GRM8: variants seen among roughly 807,000 people sequenced by gnomAD.
GRM8 encodes metabotropic glutamate receptor 8.
A neutral mutation model predicts 87.2 loss-of-function variants in GRM8; 47 were observed. The observed-to-expected ratio is 0.54, with a 90% CI of 0.43 to 0.69. GRM8 has a LOEUF of 0.69. GRM8 is among the 30% of genes least tolerant of loss of function. The pLI is 0.00. For missense variants in GRM8, 1,019 were observed against 1,139.2 expected (o/e 0.89, Z 1.52); for synonymous variants, 396 against 404.5 (o/e 0.98, Z 0.25).
At chr7:126,705,451 T>C (rs1810392619) in intron 7 of GRM8, among the ~76,000 whole-genome samples, 2 of 152,156 alleles carry the variant, frequency 1.3e-5, no homozygotes, top group Non-Finnish European at 2.9e-5. Flanking sequence ...ACAAACATTT[T>C]ATCTCCACTT....
intron 9 of GRM8, among the ~76,000 whole-genome samples, chr7:126,449,936 C>G (rs1261411465): frequency 6.6e-6 from 1 of 151,850 alleles, no homozygotes; most frequent in South Asian, 2.1e-4. Flanking sequence ...GTTACTTACT[C>G]TGCCTCCATG....
intron 3 of GRM8, chr7:126,981,131 A>C (rs948908667): frequency 1.3e-5 from 2 of 153,140 alleles, no homozygotes; most frequent in Non-Finnish European, 2.9e-5. Context: ...ACTTAACCCT[A>C]GTCACAGCTT....
chr7:126,655,944 C>T (rs1406346811), intron 7 of GRM8, among the ~76,000 whole-genome samples: 1 of 152,140 alleles, frequency 6.6e-6, no homozygotes, highest in Non-Finnish European at 1.5e-5. Context: ...TGCACTTTCT[C>T]CTATTGAGAG....
At chr7:126,784,567 A>T (rs1220501926) in intron 6 of GRM8, among the ~76,000 whole-genome samples, 1 of 152,172 alleles carries the variant, frequency 6.6e-6, no homozygotes, top group Non-Finnish European at 1.5e-5. Context: ...GAACATTTAA[A>T]CATAATGGCA....
chr7:126,496,138 G>T (rs929096076), intron 9 of GRM8, among the ~76,000 whole-genome samples: 1 of 151,788 alleles, frequency 6.6e-6, no homozygotes, highest in Non-Finnish European at 1.5e-5. Context: ...GTTTCAGAGA[G>T]ATTTTATTTT....
chr7:126,802,140 A>G (rs530367232), intron 6 of GRM8, among the ~76,000 whole-genome samples: 1 of 152,284 alleles, frequency 6.6e-6, no homozygotes, highest in East Asian at 1.9e-4. Context: ...AAATGAAGCT[A>G]TTTCACACAT....
chr7:126,704,818 T>A (rs1810322974), intron 7 of GRM8, among the ~76,000 whole-genome samples: 2 of 152,164 alleles, frequency 1.3e-5, no homozygotes, highest in South Asian at 4.1e-4. Flanking sequence ...ATGTTATCAA[T>A]GACAATGGTG....
intron 2 of GRM8, chr7:127,215,008 A>G (rs1796437547): frequency 6.6e-6 from 1 of 152,186 alleles, no homozygotes. Context: ...GTTCTTGGGA[A>G]GTCTAATTCT....
chr7:127,126,547 A>G (rs1283050770), intron 2 of GRM8, among the ~76,000 whole-genome samples: 1 of 151,970 alleles, frequency 6.6e-6, no homozygotes, highest in Non-Finnish European at 1.5e-5. Flanking sequence ...GGTGATGGAT[A>G]CACTAAAAGC....
At chr7:126,915,286 C>T (rs1467001038) in intron 3 of GRM8, among the ~76,000 whole-genome samples, 2 of 152,166 alleles carry the variant, frequency 1.3e-5, no homozygotes, top group Non-Finnish European at 2.9e-5. Context: ...AGATGGCACC[C>T]AAATGGGCTT....
In GRM8 at chr7:127,114,393, G is replaced by C. The variant is rs542936766; in HGVS notation, c.511-7681C>G. On this transcript the variant is annotated intron_variant, in intron 2 of 10. Coordinates refer to ENST00000339582, the MANE Select transcript of GRM8 (RefSeq NM_000845.3). ...TATCTATCTCCCCAACATGAGCTCA[G>C]TAAGACCAAGCAAAGCTTTACATAC... 3.3e-5 allele frequency among the ~76,000 whole-genome samples: 5 copies of C among 152,284 alleles called. No homozygotes were observed. In the East Asian group the frequency reaches 9.6e-4, roughly 29 times the overall value.
intron 3 of GRM8, among the ~76,000 whole-genome samples, chr7:127,057,149 GAA>G (rs1319331374): frequency 1.3e-5 from 2 of 151,610 alleles, no homozygotes; most frequent in Non-Finnish European, 3.0e-5. Flanking sequence ...TTACAGAAGA[GAA>G]AGAGTTACCA....
chr7:126,830,577 T>C (rs1459940382), intron 6 of GRM8, among the ~76,000 whole-genome samples: 1 of 152,200 alleles, frequency 6.6e-6, no homozygotes, highest in African/African-American at 2.4e-5. Flanking sequence ...CACTTCTCTG[T>C]ATTGGTTATT....
chr7:126,665,649 T>C (rs987490572), intron 7 of GRM8, among the ~76,000 whole-genome samples: 5 of 152,066 alleles, frequency 3.3e-5, no homozygotes, highest in African/African-American at 1.2e-4. Flanking sequence ...TTAGGTACCA[T>C]ACTCACTAAC....
chr7:126,952,251 C>T (rs1808239708), intron 3 of GRM8, among the ~76,000 whole-genome samples: 1 of 151,810 alleles, frequency 6.6e-6, no homozygotes, highest in Non-Finnish European at 1.5e-5. Context: ...TAGAATATGA[C>T]CCATAAAACC....
intron 3 of GRM8, among the ~76,000 whole-genome samples, chr7:126,988,178 G>A (rs1812301317): frequency 2.6e-5 from 4 of 152,124 alleles, no homozygotes; most frequent in Admixed American, 2.6e-4. Context: ...AACCCTGCAG[G>A]AAGCAAACAA....
chr7:127,242,519 A>G (rs1798365419), intron 2 of GRM8, among the ~76,000 whole-genome samples, 176 bp downstream of exon 2: 1 of 152,194 alleles, frequency 6.6e-6, no homozygotes, highest in African/African-American at 2.4e-5. Context: ...AAGTAATGGA[A>G]CTAAACCAAT....
chr7:126,468,592 G>A (rs1804779681), intron 9 of GRM8, among the ~76,000 whole-genome samples: 1 of 151,834 alleles, frequency 6.6e-6, no homozygotes, highest in South Asian at 2.1e-4. Flanking sequence ...TTCATTATCT[G>A]TCTTGCATTT....
At chr7:126,614,252 T>A (rs909889670) in intron 7 of GRM8, among the ~76,000 whole-genome samples, 3 of 152,116 alleles carry the variant, frequency 2.0e-5, no homozygotes, top group Admixed American at 1.3e-4. Flanking sequence ...CCACTGCTGA[T>A]ACCCAAGCAA....
Sources: gnomAD v4.1 joint callset for allele counts (sites outside exome capture counted in the v4.1 genomes callset) on GRCh38, gnomAD v4.1.1 for gene constraint, MANE v1.5 for transcripts, NCBI Gene and HGNC (gene_info 2026-07-23, HGNC 2026-07-21) for gene names.